Variants in CNTN5 observed in about 807,000 individuals in gnomAD.
CNTN5 encodes contactin-5.
Under a neutral mutation model 129.1 loss-of-function variants are expected in CNTN5, and 77 were observed. The ratio of observed to expected loss-of-function variants is 0.60; its 90% CI spans 0.50 to 0.72. The LOEUF is 0.72. CNTN5 is among the 30% of genes least tolerant of loss of function. CNTN5 has a pLI of 0.00. For missense variants in CNTN5, 1,478 were observed against 1,328.8 expected (o/e 1.11, Z -1.75); for synonymous variants, 509 against 465.6 (o/e 1.09, Z -1.20).
intron 3 of CNTN5, among the ~76,000 whole-genome samples, chr11:99,662,776 C>A (rs975358097): frequency 6.6e-6 from 1 of 152,142 alleles, no homozygotes; most frequent in East Asian, 1.9e-4. Context: ...GCAGCATCAC[C>A]AGGGCAGTAC....
At chr11:99,441,656 T>C (rs978164820) in intron 2 of CNTN5, among the ~76,000 whole-genome samples, 2 of 152,198 alleles carry the variant, frequency 1.3e-5, no homozygotes, top group African/African-American at 2.4e-5. Flanking sequence ...TGACTCAAAA[T>C]AGGAATTGAT....
At chr11:99,033,704 T>A (rs1317414152) in intron 1 of CNTN5, among the ~76,000 whole-genome samples, 1 of 151,818 alleles carries the variant, frequency 6.6e-6, no homozygotes, top group Non-Finnish European at 1.5e-5. Context: ...TACAATCATG[T>A]CATCTGCAAA....
In CNTN5 at chr11:99,247,568, G is replaced by A. The variant is rs544419862; in HGVS notation, c.-209-77778G>A. On this transcript the variant is annotated intron_variant, in intron 1 of 24. Transcript: ENST00000524871. ...GTTGTTGTGTTGCACCCATTAACTC[G>A]TCATTTAACATTAGGTATATCTCCT... 3.8e-4 allele frequency among the ~76,000 whole-genome samples: 58 copies of A among 151,846 alleles called. 2 individuals carry two copies. The South Asian group carries it at 9.4e-3, about 24-fold the overall frequency.
chr11:100,126,003 T>C (rs1380337336), intron 13 of CNTN5, among the ~76,000 whole-genome samples: 4 of 152,138 alleles, frequency 2.6e-5, no homozygotes, highest in African/African-American at 9.7e-5. Flanking sequence ...TATGTGTGTA[T>C]CTATTTTCAT....
rs1943874277 is a variant in CNTN5 at position 100,070,412 on chromosome 11, A to G, written c.1163-12A>G. ...ATGAAATCATCCTTGTTTACTGCTT[A>G]CATACTTACAGCCTACCCACACTGG... On this transcript the variant is annotated splice_polypyrimidine_tract_variant and intron_variant, in intron 10 of 24. Coordinates refer to ENST00000524871, the MANE Select transcript of CNTN5 (RefSeq NM_014361.4). The G allele has an allele frequency of 1.2e-6, 2 of 1,608,986 alleles. No homozygotes were observed. The highest frequency in any genetic ancestry group is 2.2e-5 in the South Asian group (2 of 90,558).
At position 99,807,976 on chromosome 11, in the gene CNTN5, G is replaced by A. The variant is rs1441377; in HGVS notation, c.56-11568G>A. ...TGAACCCTGTAACTTATTCCCTAAG[G>A]GAAAGAATTAGGCGTAGGGACCTTC... is the stretch of plus-strand genomic sequence containing the variant. On this transcript the variant is annotated intron_variant, in intron 3 of 24. Transcript: ENST00000524871. Among the ~76,000 whole-genome samples, 1,081 of 152,132 alleles carry A rather than the reference G, an allele frequency of 7.1e-3. 6 individuals are homozygous for A. The highest frequency in any genetic ancestry group is 0.013 in the Non-Finnish European group (859 of 67,996).
At chr11:99,245,302 T>G (rs998225285) in intron 1 of CNTN5, among the ~76,000 whole-genome samples, 1 of 152,182 alleles carries the variant, frequency 6.6e-6, no homozygotes, top group Non-Finnish European at 1.5e-5. Context: ...TGATTTTCTT[T>G]GCATAAACTT....
Position 99,358,559 on chromosome 11 carries a change from C to A in CNTN5, c.-71+33075C>A, listed in dbSNP as rs1591569507. ...CTGGCGACAGAGCAAGACTCCATCT[C>A]AAAAACAAAATAAAAATAAAAATAA... On this transcript the variant is annotated intron_variant, in intron 2 of 24. Coordinates refer to ENST00000524871, the MANE Select transcript of CNTN5 (RefSeq NM_014361.4). Among the ~76,000 whole-genome samples, 4 of 151,562 alleles carry A rather than the reference C, an allele frequency of 2.6e-5. No individual in the cohort carries two copies. The Middle Eastern group carries it at 0.014, about 516-fold the overall frequency.
At chr11:99,951,533 A>ATAATTGGTCATCCATGAGGCTAT (rs1488945786) in intron 7 of CNTN5, among the ~76,000 whole-genome samples, 1 of 152,098 alleles carries the variant, frequency 6.6e-6, no homozygotes, top group Admixed American at 6.6e-5. Flanking sequence ...GCAGAGGCAA[A>ATAATTGGTCATCCATGAGGCTAT]TAATTGGTCA....
chr11:99,928,057 G>A (rs756574860), intron 7 of CNTN5, among the ~76,000 whole-genome samples: 1 of 152,180 alleles, frequency 6.6e-6, no homozygotes, highest in Non-Finnish European at 1.5e-5. Context: ...CCCCATGCAA[G>A]TCCTAAATCC....
intron 8 of CNTN5, among the ~76,000 whole-genome samples, chr11:99,979,110 A>C (rs75576410): frequency 0.014 from 2,116 of 152,250 alleles, 69 homozygotes; most frequent in African/African-American, 0.047. Flanking sequence ...TCTGGCATGC[A>C]CAGATTTTTG....
At chr11:100,283,806 C>T (rs993547471) in intron 18 of CNTN5, among the ~76,000 whole-genome samples, 3 of 151,942 alleles carry the variant, frequency 2.0e-5, no homozygotes, top group Non-Finnish European at 4.4e-5. Flanking sequence ...ATTAGCCGGG[C>T]GCGGTAGCGG....
At chr11:99,585,296 CT>C in intron 3 of CNTN5, among the ~76,000 whole-genome samples, 1 of 152,142 alleles carries the variant, frequency 6.6e-6, no homozygotes, top group East Asian at 1.9e-4. Context: ...TACAATTCTT[CT>C]CTCTTTTTTG....
At chr11:99,214,402 T>TATATATATTATATATGTATATAAATAA (rs1565409137) in intron 1 of CNTN5, among the ~76,000 whole-genome samples, 2 of 79,514 alleles carry the variant, frequency 2.5e-5, no homozygotes, top group African/African-American at 6.3e-5. Context: ...TATAAATAAA[T>TATATATATTATATATGTATATAAATAA]ATATATATAT....
intron 6 of CNTN5, among the ~76,000 whole-genome samples, chr11:99,894,902 C>T (rs1015462014): frequency 6.6e-6 from 1 of 152,198 alleles, no homozygotes; most frequent in African/African-American, 2.4e-5. Flanking sequence ...TATTGTCCTT[C>T]CTCATGGCAT....
chr11:99,576,311 A>G (rs1267916142), intron 3 of CNTN5, among the ~76,000 whole-genome samples: 2 of 152,198 alleles, frequency 1.3e-5, no homozygotes, highest in Non-Finnish European at 2.9e-5. Context: ...AGACCCATCA[A>G]GAACCTCATC....
At chr11:99,255,068 A>C (rs999382928) in intron 1 of CNTN5, among the ~76,000 whole-genome samples, 3 of 151,956 alleles carry the variant, frequency 2.0e-5, no homozygotes, top group Non-Finnish European at 4.4e-5. Flanking sequence ...GGTAAGGCCA[A>C]TATTTGTCAA....
In CNTN5 at chr11:99,845,987, T is replaced by G. The variant is rs558302329; in HGVS notation, c.577+725T>G. On this transcript the variant is annotated intron_variant, in intron 6 of 24. Coordinates refer to ENST00000524871, the MANE Select transcript of CNTN5 (RefSeq NM_014361.4). ...GCTATGGATTTCTAAGAATATAAGA[T>G]AGCATATTCTAAAACTTCTGCTTAT... 4.4e-3 allele frequency among the ~76,000 whole-genome samples: 663 copies of G among 152,244 alleles called. 9 individuals are homozygous for G. Among genetic ancestry groups the G allele is most frequent in the South Asian group, 0.012 (59 of 4,830 alleles).
intron 9 of CNTN5, among the ~76,000 whole-genome samples, chr11:100,032,088 T>C (rs374892803): frequency 1.3e-5 from 2 of 152,276 alleles, no homozygotes; most frequent in African/African-American, 4.8e-5. Flanking sequence ...CCTAACCATA[T>C]ACTCTATTCA....
Sources: gnomAD v4.1 joint callset for allele counts (sites outside exome capture counted in the v4.1 genomes callset) on GRCh38, gnomAD v4.1.1 for gene constraint, MANE v1.5 for transcripts, NCBI Gene and HGNC (gene_info 2026-07-23, HGNC 2026-07-21) for gene names.